BOD1L1: variants seen among roughly 807,000 people sequenced by gnomAD.
The protein encoded by BOD1L1 is biorientation of chromosomes in cell division 1 like 1.
A neutral mutation model predicts 240.7 loss-of-function variants in BOD1L1; 86 were observed. The observed-to-expected ratio is 0.36, with a 90% CI of 0.30 to 0.43. The LOEUF (loss-of-function observed/expected upper bound fraction) is 0.43, where lower values mean the gene tolerates loss of function less well. BOD1L1 is among the 20% of genes least tolerant of loss of function. The probability of loss-of-function intolerance (pLI) is 1.00; values close to 1 mark genes in which losing one functional copy is unlikely to be tolerated. For missense variants in BOD1L1, 3,554 were observed against 3,643.5 expected (o/e 0.98, Z 0.63); for synonymous variants, 1,268 against 1,272.3 (o/e 1.00, Z 0.07).
rs1477258992 is a variant in BOD1L1, at chr4:13,605,066, T to G, written c.1834A>C (p.Ile612Leu). ...KTSEHCEKEK[I>L]SSSKELKHVH... ...TGCTTCAGCTCCTTTGAAGAAGAAA[T>G]TTTTTCCTTTTCACAATGCTGAAAG... Residue 612 changes from isoleucine (I) to leucine (L), a missense_variant, in exon 10 of 26, where the codon ATT becomes CTT. Ile to Leu is a conservative substitution (Grantham distance 5). This residue lies in a region of BOD1L1 where 3,393 missense variants were observed against 3,427.1 expected (regional missense o/e 0.99). Coordinates refer to ENST00000040738, the MANE Select transcript of BOD1L1 (RefSeq NM_148894.3). 1.9e-6 allele frequency: 3 copies of G among 1,549,376 alleles called. No individual in the cohort carries two copies. The highest frequency in any genetic ancestry group is 1.7e-6 in the Non-Finnish European group (2 of 1,155,758).
In BOD1L1 at chr4:13,600,669, G is replaced by A. The variant is rs770869450; in HGVS notation, c.6231C>T (p.Thr2077=). ...QGKVLIISTS[T]TNDYTPQVSA... ...TTACCTGAGGGGTGTAATCATTTGT[G>A]GTACTGGTGGAAATAATCAAAACTT... The change falls in exon 10 of 26, where the codon ACC becomes ACT. Residue 2077 remains threonine, a synonymous_variant. Transcript: ENST00000040738. The A allele has an allele frequency of 3.7e-6, 6 of 1,613,956 alleles. No homozygotes were observed. The highest frequency in any genetic ancestry group is 2.2e-5 in the South Asian group (2 of 91,066).
In BOD1L1 at chr4:13,600,545, T is replaced by C. The variant is rs544828290; in HGVS notation, c.6355A>G (p.Met2119Val). The stretch of plus-strand genomic sequence containing the variant: ...TCATCTCCTGAGACTGCACTGGGCA[T>C]GGGGGCCTCAAATTCTTCTGTGGTT... ...RVTTEEFEAP[M>V]PSAVSGDDSQ... The change falls in exon 10 of 26, where the codon ATG (methionine) becomes GTG (valine). Residue 2119 changes from methionine (M) to valine (V), a missense_variant. Met to Val is a conservative substitution (Grantham distance 21). Transcript: ENST00000040738. The C allele has an allele frequency of 6.2e-7, 1 of 1,613,358 alleles. No homozygotes were observed. The highest frequency in any genetic ancestry group is 8.5e-7 in the Non-Finnish European group (1 of 1,179,694).
chr4:13,615,412 T>C lies in BOD1L1; in HGVS notation c.459A>G (p.Lys153=). 1.2e-6 allele frequency: 2 copies of C among 1,613,896 alleles called. No individual in the cohort carries two copies. Among genetic ancestry groups the C allele is most frequent in the South Asian group, 2.2e-5 (2 of 91,076 alleles). Reference sequence around the variant, plus strand: ...GCGTGGCCAAAAACTCATGCACAGCTTTCTCTACCTGAGGTCTGAATGTGT... The same window carrying C: ...GCGTGGCCAAAAACTCATGCACAGCCTTCTCTACCTGAGGTCTGAATGTGT... ...INHTFRPQVE[K]AVHEFLATLN... Residue 153 remains lysine, a synonymous_variant, in exon 3 of 26, where the codon AAA becomes AAG. Coordinates refer to ENST00000040738, the MANE Select transcript of BOD1L1 (RefSeq NM_148894.3).
chr4:13,575,916 T>C (rs1233494587), intron 25 of BOD1L1, among the ~76,000 whole-genome samples: 1 of 139,174 alleles, frequency 7.2e-6, no homozygotes, highest in Non-Finnish European at 1.5e-5. Context: ...TTTTTTTTTT[T>C]TTTTTGAGAT....
At chr4:13,579,579 A>G (rs1039110828) in intron 22 of BOD1L1, among the ~76,000 whole-genome samples, 54 of 152,238 alleles carry the variant, frequency 3.5e-4, no homozygotes, top group African/African-American at 1.3e-3. Context: ...AGACCACAAA[A>G]TGCATACATA....
Position 13,599,196 on chromosome 4 carries a change from G to A in BOD1L1, c.7704C>T (p.Thr2568=). 1 of 1,613,930 alleles carries A rather than the reference G, an allele frequency of 6.2e-7. No homozygotes were observed. The highest frequency in any genetic ancestry group is 1.1e-5 in the South Asian group (1 of 91,080). Reference sequence around the variant, plus strand: ...TTGATTCTTGGCCAGTAATACATTTGGTGGTACTGGTTTTCAAGTTGTCTT... The same window carrying A: ...TTGATTCTTGGCCAGTAATACATTTAGTGGTACTGGTTTTCAAGTTGTCTT... ...GSEDNLKTST[T]KCITGQESKI... The change falls in exon 10 of 26, where the codon ACC becomes ACT. Residue 2568 remains threonine (T), a synonymous_variant. Transcript: ENST00000040738.
intron 17 of BOD1L1, 92 bp from the exon 18 acceptor site, chr4:13,582,828 A>G (rs1414891308): frequency 1.2e-6 from 1 of 817,534 alleles, no homozygotes; most frequent in African/African-American, 1.7e-5. Flanking sequence ...TCTATTTCAA[A>G]AAAACTTCCT....
intron 12 of BOD1L1, chr4:13,593,544 C>T (rs1714384518): frequency 2.6e-5 from 4 of 152,032 alleles, no homozygotes; most frequent in African/African-American, 9.7e-5. Context: ...GTATATTTTA[C>T]TTTCTATAAT....
chr4:13,621,864 TTC>T (rs1429138877), intron 1 of BOD1L1, among the ~76,000 whole-genome samples: 3 of 93,988 alleles, frequency 3.2e-5, no homozygotes, highest in African/African-American at 1.1e-4. Flanking sequence ...CTAAAATTAA[TTC>T]TTTTTTTTTT....
chr4:13,602,011 A>G lies in BOD1L1; in HGVS notation c.4889T>C (p.Leu1630Pro). 1 of 1,614,008 alleles carries G rather than the reference A, an allele frequency of 6.2e-7. No individual in the cohort carries two copies. Among genetic ancestry groups the G allele is most frequent in the Non-Finnish European group, 8.5e-7 (1 of 1,179,898 alleles). Residue 1630 changes from leucine to proline, a missense_variant, in exon 10 of 26, where the codon CTA (leucine) becomes CCA (proline). Leu to Pro is a moderately conservative substitution (Grantham distance 98). Transcript: ENST00000040738. ...VAESEDRAAD[L>P]LAVHAVKIEA... The stretch of plus-strand genomic sequence containing the variant: ...GATTTTAACTGCATGCACAGCCAGT[A>G]GGTCTGCTGCTCTGTCCTCAGATTC...
At chr4:13,592,764 C>G (rs766927665) in intron 12 of BOD1L1, 1 of 152,190 alleles carries the variant, frequency 6.6e-6, no homozygotes, top group African/African-American at 2.4e-5. Flanking sequence ...TTCTGAGACC[C>G]TTTCAGATGG....
In BOD1L1 at chr4:13,602,672, C is replaced by T; in HGVS notation, c.4228G>A (p.Ala1410Thr). ...ITKEGGLVDM[A>T]KKENDLNAEP... ...GCATTTAAGTCATTTTCTTTCTTGG[C>T]CATGTCCACTAAGCCACCTTCTTTG... Residue 1410 changes from alanine to threonine, a missense_variant, in exon 10 of 26, where the codon GCC becomes ACC. Ala to Thr is a moderately conservative substitution (Grantham distance 58, BLOSUM62 0). This residue lies in a region of BOD1L1 where 3,393 missense variants were observed against 3,427.1 expected (regional missense o/e 0.99). Coordinates refer to ENST00000040738, the MANE Select transcript of BOD1L1 (RefSeq NM_148894.3). 1 of 1,613,964 alleles carries T rather than the reference C, an allele frequency of 6.2e-7. No individual in the cohort carries two copies. Among genetic ancestry groups the T allele is most frequent in the Non-Finnish European group, 8.5e-7 (1 of 1,179,896 alleles).
chr4:13,609,503 T>C (rs1715990719), intron 6 of BOD1L1, 97 bp from the exon 7 acceptor site: 2 of 724,270 alleles, frequency 2.8e-6, no homozygotes, highest in African/African-American at 3.7e-5. Context: ...CCTTCAGATG[T>C]TCTTACAAAT....
rs1348473806 is a variant in BOD1L1 at position 13,569,645 on chromosome 4, A to C, written c.*366T>G. 6.3e-6 allele frequency: 1 copy of C among 158,230 alleles called. No individual in the cohort carries two copies. Among genetic ancestry groups the C allele is most frequent in the African/African-American group, 2.4e-5 (1 of 41,742 alleles). 9.8% of individuals were successfully genotyped at this position (158,230 alleles called of 1,614,324 possible). On this transcript the variant is annotated 3_prime_UTR_variant, in exon 26 of 26. Transcript: ENST00000040738. Reference sequence around the variant, plus strand: ...AGAGTAAAATACAACCTATTTTTACATGTTTATATACTATACACAGATTAC... The same window carrying C: ...AGAGTAAAATACAACCTATTTTTACCTGTTTATATACTATACACAGATTAC...
In BOD1L1 at chr4:13,614,265, C is replaced by G. The variant is rs1242751357; in HGVS notation, c.1105G>C (p.Val369Leu). The change falls in exon 4 of 26, where the codon GTA becomes CTA. Residue 369 changes from valine to leucine, a missense_variant. Coordinates refer to ENST00000040738, the MANE Select transcript of BOD1L1 (RefSeq NM_148894.3). Reference sequence around the variant, plus strand: ...TCTGAAGGAAGTTTTAAACTCTCTACTTCTTTTTCCTTTGCTTGTTTTTCA... The same window carrying G: ...TCTGAAGGAAGTTTTAAACTCTCTAGTTCTTTTTCCTTTGCTTGTTTTTCA... Reference protein sequence around the residue: ...KDEKQAKEKEVESLKLPSEKN... With the variant: ...KDEKQAKEKELESLKLPSEKN... The G allele has an allele frequency of 1.3e-6, 2 of 1,544,866 alleles. No individual in the cohort carries two copies. The highest frequency in any genetic ancestry group is 2.8e-5 in the African/African-American group (2 of 72,444).
rs528038134 is a variant in BOD1L1, at chr4:13,597,025, A to G, written c.8019+79T>C. 26 of 1,133,404 alleles carry G rather than the reference A, an allele frequency of 2.3e-5. No homozygotes were observed. The East Asian group carries it at 3.6e-4, about 16-fold the overall frequency. 70.2% of individuals were successfully genotyped at this position (1,133,404 alleles called of 1,614,324 possible). On this transcript the variant is annotated intron_variant, in intron 11 of 25. Transcript: ENST00000040738. ...AATGAGAACAGGACCTATATACCAC[A>G]TAAGTATATATATGTGTATATGTGA...
intron 12 of BOD1L1, 71 bp downstream of exon 12, chr4:13,595,789 T>C: frequency 2.3e-6 from 3 of 1,291,636 alleles, no homozygotes; most frequent in Non-Finnish European, 3.3e-6. Flanking sequence ...CAGCTATTGA[T>C]TTTTAGAAAG....
In BOD1L1 at chr4:13,603,492, T is replaced by A. The variant is rs758059962; in HGVS notation, c.3408A>T (p.Lys1136Asn). The change falls in exon 10 of 26, where the codon AAA (lysine) becomes AAT (asparagine). Residue 1136 changes from lysine to asparagine, a missense_variant. Around this residue, in one of 2 missense-constraint regions of BOD1L1, gnomAD observed 3,393 missense variants for 3,427.1 expected, o/e 0.99. Coordinates refer to ENST00000040738, the MANE Select transcript of BOD1L1 (RefSeq NM_148894.3). Reference sequence around the variant, plus strand: ...AATTATTATTGCGGTTGTCTTGGGTTTTAGATACTTCAAACACATTTTCAA... The same window carrying A: ...AATTATTATTGCGGTTGTCTTGGGTATTAGATACTTCAAACACATTTTCAA... ...PGVENVFEVS[K>N]TQDNRNNNSQ... 62 of 1,613,900 alleles carry A rather than the reference T, an allele frequency of 3.8e-5. No individual in the cohort carries two copies. Among genetic ancestry groups the A allele is most frequent in the Non-Finnish European group, 5.0e-5 (59 of 1,179,892 alleles).
At chr4:13,586,651 G>A (rs561590906) in intron 16 of BOD1L1, among the ~76,000 whole-genome samples, 176 bp from the exon 17 acceptor site, 4 of 152,208 alleles carry the variant, frequency 2.6e-5, no homozygotes, top group Admixed American at 6.5e-5. Flanking sequence ...CTTGCCTTTC[G>A]CCCTGGCAAA....
Sources: allele counts gnomAD v4.1 joint callset (sites outside exome capture counted in the v4.1 genomes callset), GRCh38; gene constraint gnomAD v4.1.1; regional missense constraint gnomAD v4.1.1; transcripts MANE v1.5; gene names NCBI Gene and HGNC (gene_info 2026-07-23, HGNC 2026-07-21).